KDM5A: variants seen among roughly 807,000 people sequenced by gnomAD.
KDM5A encodes the protein lysine-specific demethylase 5A.
Under a neutral mutation model 193.5 loss-of-function variants are expected in KDM5A, and 42 were observed. The observed-to-expected ratio is 0.22, with a 90% CI of 0.17 to 0.28. The LOEUF (loss-of-function observed/expected upper bound fraction) is 0.28. Among genes scored for constraint, KDM5A ranks in the 10% least tolerant of loss-of-function variants. The pLI, the probability that KDM5A is intolerant of heterozygous loss-of-function variation, is 1.00. For synonymous variants in KDM5A, 796 were observed against 718.1 expected, an observed-to-expected ratio of 1.11 and a Z score of -1.73; for missense variants, 1,692 against 2,055.1, an observed-to-expected ratio of 0.82 and a Z score of 3.42.
chr12:335,945 A>C (rs976387508), intron 10 of KDM5A, among the ~76,000 whole-genome samples: 8 of 145,722 alleles, frequency 5.5e-5, no homozygotes, highest in South Asian at 2.2e-4. Flanking sequence ...GGGGAGGCTG[A>C]GGCAGGAGAA....
chr12:287,249 A>G (rs141264898), intron 27 of KDM5A, among the ~76,000 whole-genome samples: 2 of 152,282 alleles, frequency 1.3e-5, no homozygotes, highest in Non-Finnish European at 2.9e-5. Context: ...CCATCACCCT[A>G]TGAACTCAGA....
chr12:338,869 A>G (rs557901579), intron 10 of KDM5A, among the ~76,000 whole-genome samples: 64 of 152,310 alleles, frequency 4.2e-4, no homozygotes, highest in Admixed American at 4.0e-3. Context: ...CTGTTGGTAG[A>G]GCACACTATA....
chr12:379,368 C>T (rs574455833), intron 3 of KDM5A, among the ~76,000 whole-genome samples: 1 of 152,130 alleles, frequency 6.6e-6, no homozygotes, highest in Non-Finnish European at 1.5e-5. Flanking sequence ...GAATAAATTA[C>T]CTTTGTGAAG....
At chr12:374,865 T>G (rs1339124723) in intron 3 of KDM5A, among the ~76,000 whole-genome samples, 2 of 150,744 alleles carry the variant, frequency 1.3e-5, no homozygotes, top group Non-Finnish European at 2.9e-5. Context: ...AATTATGGGT[T>G]GAAAATTCTT....
rs778869274 is a variant in KDM5A at position 354,063 on chromosome 12, G to A, written c.1029+13C>T. 18 of 1,608,888 alleles carry A rather than the reference G, an allele frequency of 1.1e-5. No individual in the cohort carries two copies. The African/African-American group carries it at 2.0e-4, about 18-fold the overall frequency. ...TTTAGTTAAAAAAGGATCCATAGAGGTTAGACGTGTACCTCGGCGACACAT... is the reference window on the plus strand; with the variant it reads ...TTTAGTTAAAAAAGGATCCATAGAGATTAGACGTGTACCTCGGCGACACAT... On this transcript the variant is annotated intron_variant, in intron 8 of 27. Coordinates refer to ENST00000399788, the MANE Select transcript of KDM5A (RefSeq NM_001042603.3).
intron 18 of KDM5A, 142 bp from the exon 19 acceptor site, chr12:318,603 A>G: frequency 1.6e-6 from 1 of 639,890 alleles, no homozygotes; most frequent in Non-Finnish European, 2.7e-6. Context: ...CAGATATGAC[A>G]GTTAAATTAA....
rs182597285 is a variant in KDM5A, at chr12:285,047, A to G, written c.*409T>C. ...CCAACTATCCCAATGAAGGAGATCC[A>G]AGCAATTAGCACCTTCAGTTGGTGC... On this transcript the variant is annotated 3_prime_UTR_variant, in exon 28 of 28. Transcript: ENST00000399788. 3.8e-5 allele frequency: 11 copies of G among 286,096 alleles called. No individual in the cohort carries two copies. Among genetic ancestry groups the G allele is most frequent in the African/African-American group, 2.3e-4 (11 of 47,570 alleles). 17.7% of individuals were successfully genotyped at this position (286,096 alleles called of 1,614,324 possible).
rs1285226455 is a variant in KDM5A at position 389,304 on chromosome 12, G to A, written c.-213C>T. The A allele has an allele frequency of 2.9e-6, 2 of 686,890 alleles. No homozygotes were observed. 42.5% of individuals were successfully genotyped at this position (686,890 alleles called of 1,614,324 possible). Reference sequence around the variant, plus strand: ...TCCACTGAGGTTCAGGACTTTTCCGGAAGTTACCGTGCTGTCAAATCCCTC... The same window carrying A: ...TCCACTGAGGTTCAGGACTTTTCCGAAAGTTACCGTGCTGTCAAATCCCTC... On this transcript the variant is annotated 5_prime_UTR_variant, in exon 1 of 28. Coordinates refer to ENST00000399788, the MANE Select transcript of KDM5A (RefSeq NM_001042603.3).
chr12:315,604 AATGAGT>A (rs1288557710), intron 19 of KDM5A, among the ~76,000 whole-genome samples: 7 of 152,102 alleles, frequency 4.6e-5, no homozygotes, highest in Non-Finnish European at 1.0e-4. Flanking sequence ...GGTGAAAAAG[AATGAGT>A]ATAACATAAA....
At position 379,809 on chromosome 12, in the gene KDM5A, A is replaced by C. The variant is rs1245704865; in HGVS notation, c.366+4222T>G. Among the ~76,000 whole-genome samples the C allele has an allele frequency of 1.3e-5, 2 of 152,208 alleles. 1 individual carries two copies. The highest frequency in any genetic ancestry group is 2.9e-5 in the Non-Finnish European group (2 of 68,032). ...ATAAGTTTTCTGAATATTTAAACAAAGTGTACTTTATTAGTAGTATGAACC... is the reference window on the plus strand; with the variant it reads ...ATAAGTTTTCTGAATATTTAAACAACGTGTACTTTATTAGTAGTATGAACC... On this transcript the variant is annotated intron_variant, in intron 3 of 27. Transcript: ENST00000399788.
chr12:323,687 A>G lies in KDM5A; in HGVS notation c.2063T>C (p.Leu688Pro). 6.2e-7 allele frequency: 1 copy of G among 1,614,086 alleles called. No individual in the cohort carries two copies. Among genetic ancestry groups the G allele is most frequent in the South Asian group, 1.1e-5 (1 of 91,084 alleles). Reference sequence around the variant, plus strand: ...CCGCTCAGGATTACAGGAACATGTGAGAGCAGAGAGAAAACATGTGGTTCT... The same window carrying G: ...CCGCTCAGGATTACAGGAACATGTGGGAGCAGAGAGAAAACATGTGGTTCT... ...ACRTTCFLSA[L>P]TCSCNPERLV... is the part of the protein sequence containing the mutation. The change falls in exon 15 of 28, where the codon CTC becomes CCC. Residue 688 changes from leucine to proline, a missense_variant. Physicochemically the swap from Leu to Pro is moderately conservative, Grantham distance 98. Transcript: ENST00000399788.
At chr12:296,341 TG>T (rs1943373284) in intron 25 of KDM5A, among the ~76,000 whole-genome samples, 1 of 142,482 alleles carries the variant, frequency 7.0e-6, no homozygotes, top group East Asian at 2.0e-4. Flanking sequence ...AAAAAAAAAG[TG>T]GTTCTTTATC....
intron 10 of KDM5A, among the ~76,000 whole-genome samples, chr12:347,215 G>A (rs1348360079): frequency 1.3e-5 from 2 of 150,148 alleles, no homozygotes; most frequent in South Asian, 2.1e-4. Flanking sequence ...GAGATATGAA[G>A]GACCTCTTCA....
At chr12:345,906 T>A (rs1170111135) in intron 10 of KDM5A, among the ~76,000 whole-genome samples, 1 of 151,778 alleles carries the variant, frequency 6.6e-6, no homozygotes, top group Non-Finnish European at 1.5e-5. Context: ...AGGCAAGAAA[T>A]AACTAAGATC....
rs34704738 is a variant in KDM5A, at chr12:389,101, CGGGGGG to C, written c.-16_-11del. ...GCCCCACGCCCGCCATTGCAACGGC[CGGGGGG>C]GGGGGGGGGTCCCCGTGGGGAACCG... On this transcript the variant is annotated 5_prime_UTR_variant, in exon 1 of 28. Transcript: ENST00000399788. The C allele has an allele frequency of 3.5e-4, 447 of 1,291,284 alleles. No homozygotes were observed. Among genetic ancestry groups the C allele is most frequent in the Non-Finnish European group, 3.8e-4 (364 of 945,680 alleles). 80.0% of individuals were successfully genotyped at this position (1,291,284 alleles called of 1,614,324 possible).
chr12:298,764 C>A (rs139093800), intron 24 of KDM5A, among the ~76,000 whole-genome samples: 2 of 151,882 alleles, frequency 1.3e-5, no homozygotes, highest in African/African-American at 4.8e-5. Context: ...AGCTAAAGGA[C>A]CATGTTCTAA....
intron 8 of KDM5A, among the ~76,000 whole-genome samples, chr12:353,847 G>A (rs1050743598): frequency 4.6e-5 from 7 of 151,586 alleles, no homozygotes; most frequent in Non-Finnish European, 8.8e-5. Flanking sequence ...ACTTGAACCC[G>A]GGAGGTGGAG....
intron 1 of KDM5A, among the ~76,000 whole-genome samples, chr12:386,520 A>T (rs1256259250): frequency 1.3e-5 from 2 of 152,162 alleles, no homozygotes; most frequent in Non-Finnish European, 2.9e-5. Flanking sequence ...GTTAACAGAA[A>T]AAATATACCA....
chr12:285,653 C>T lies in KDM5A; in HGVS notation c.4876G>A (p.Val1626Ile). ...QRPCKDKVDWVQCDGGCDEWF... is the reference protein window; with the variant it reads ...QRPCKDKVDWIQCDGGCDEWF... ...TCATCACAGCCACCATCACATTGTA[C>T]CCAGTCTACCTGTAGGAAACAAGAT... Residue 1626 changes from valine to isoleucine, a missense_variant, in exon 28 of 28, where the codon GTA (valine) becomes ATA (isoleucine). Transcript: ENST00000399788. 6.2e-7 allele frequency: 1 copy of T among 1,613,708 alleles called. No individual in the cohort carries two copies. Among genetic ancestry groups the T allele is most frequent in the Non-Finnish European group, 8.5e-7 (1 of 1,179,680 alleles).
Sources: gnomAD v4.1 joint callset for allele counts (sites outside exome capture counted in the v4.1 genomes callset) on GRCh38, gnomAD v4.1.1 for gene constraint, MANE v1.5 for transcripts, NCBI Gene and HGNC (gene_info 2026-07-23, HGNC 2026-07-21) for gene names.